Variants in TGFBR3 observed in about 807,000 individuals in gnomAD.
TGFBR3 encodes the protein transforming growth factor beta receptor 3, also known as transforming growth factor beta receptor type 3.
A neutral mutation model predicts 87.9 loss-of-function variants in TGFBR3; 46 were observed. That is an observed-to-expected ratio of 0.52 (90% confidence interval 0.41 to 0.67). The LOEUF (loss-of-function observed/expected upper bound fraction) is 0.67. Among genes scored for constraint, TGFBR3 ranks in the 30% least tolerant of loss-of-function variants. The pLI is 0.00. For missense variants in TGFBR3, 866 were observed against 1,041.9 expected (o/e 0.83, Z 2.32); for synonymous variants, 381 against 391.6 (o/e 0.97, Z 0.32).
intron 4 of TGFBR3, among the ~76,000 whole-genome samples, chr1:91,744,594 C>G (rs142635599): frequency 6.6e-6 from 1 of 152,162 alleles, no homozygotes; most frequent in East Asian, 1.9e-4. Context: ...ACATCTCAAG[C>G]CCAACGCTTC....
At chr1:91,870,853 AAAATAAAT>A (rs374242323) in intron 1 of TGFBR3, among the ~76,000 whole-genome samples, 1 of 152,028 alleles carries the variant, frequency 6.6e-6, no homozygotes, top group Non-Finnish European at 1.5e-5. Flanking sequence ...GGAGTTTCTG[AAAATAAAT>A]AAATAAATAA....
In TGFBR3 at chr1:91,695,547, A is replaced by C. The variant is rs1247997203; in HGVS notation, c.2437+125T>G. ...AAACCCAATTTATACCAAATATGTAAATGTAAAAATAGTAGGAATGAACTT... is the reference window on the plus strand; with the variant it reads ...AAACCCAATTTATACCAAATATGTACATGTAAAAATAGTAGGAATGAACTT... On this transcript the variant is annotated intron_variant, in intron 16 of 16. Coordinates refer to ENST00000212355, the MANE Select transcript of TGFBR3 (RefSeq NM_003243.5). 4.7e-6 allele frequency: 4 copies of C among 850,328 alleles called. No individual in the cohort carries two copies. In the African/African-American group the frequency reaches 5.0e-5, roughly 11 times the overall value. 52.7% of individuals were successfully genotyped at this position (850,328 alleles called of 1,614,324 possible).
intron 2 of TGFBR3, among the ~76,000 whole-genome samples, chr1:91,831,105 C>T (rs1298431327): frequency 1.3e-5 from 2 of 152,214 alleles, no homozygotes; most frequent in African/African-American, 4.8e-5. Context: ...AGCTGGGGCA[C>T]AACCTGCACC....
chr1:91,885,387 C>A (rs1322080815), intron 1 of TGFBR3, among the ~76,000 whole-genome samples: 1 of 151,478 alleles, frequency 6.6e-6, no homozygotes, highest in Non-Finnish European at 1.5e-5. Flanking sequence ...CTGCAGCTTG[C>A]GGCTCAGCCC....
At chr1:91,895,306 C>T (rs1055819593) in intron 2 of TGFBR3, among the ~76,000 whole-genome samples, 25 of 152,246 alleles carry the variant, frequency 1.6e-4, no homozygotes, top group African/African-American at 5.3e-4. Context: ...CATCTCTCCC[C>T]TCACTCTCTT....
At chr1:91,821,820 G>C (rs1353803773) in intron 2 of TGFBR3, among the ~76,000 whole-genome samples, 1 of 152,186 alleles carries the variant, frequency 6.6e-6, no homozygotes, top group Non-Finnish European at 1.5e-5. Flanking sequence ...ACTTTGTGAG[G>C]ATTACATAAT....
At chr1:91,709,716 T>A (rs1301479642) in intron 13 of TGFBR3, among the ~76,000 whole-genome samples, 1 of 152,236 alleles carries the variant, frequency 6.6e-6, no homozygotes, top group Non-Finnish European at 1.5e-5. Flanking sequence ...GCACTTTTTC[T>A]TTAAAATAAC....
intron 1 of TGFBR3, among the ~76,000 whole-genome samples, chr1:91,872,108 T>G (rs1678601613): frequency 6.6e-6 from 1 of 152,220 alleles, no homozygotes; most frequent in African/African-American, 2.4e-5. Context: ...GCCAATAGCT[T>G]CCTCCTAAGC....
At position 91,745,472 on chromosome 1, in the gene TGFBR3, G is replaced by C. The variant is rs375407196; in HGVS notation, c.385-10513C>G. Among the ~76,000 whole-genome samples the C allele has an allele frequency of 9.0e-4, 137 of 152,346 alleles. 3 individuals are homozygous for C. The South Asian group carries it at 0.027, about 30-fold the overall frequency. ...CTCAAGAATCTCAGTTGAGGTTTAA[G>C]TGGGATCTACAGATTGGCCCTAGAA... On this transcript the variant is annotated intron_variant, in intron 4 of 16. Coordinates refer to ENST00000212355, the MANE Select transcript of TGFBR3 (RefSeq NM_003243.5).
chr1:91,734,980 T>C, intron 4 of TGFBR3, 21 bp from the exon 5 acceptor site: 1 of 1,613,872 alleles, frequency 6.2e-7, no homozygotes, highest in Non-Finnish European at 8.5e-7. Flanking sequence ...GAGAATTGCG[T>C]ATTTAACATG....
intron 14 of TGFBR3, among the ~76,000 whole-genome samples, chr1:91,705,139 T>TAA (rs1167074025): frequency 6.6e-6 from 1 of 152,034 alleles, no homozygotes; most frequent in Non-Finnish European, 1.5e-5. Context: ...TAAAGAGACA[T>TAA]AAAGCTGTCT....
At chr1:91,748,514 G>A (rs1368296969) in intron 4 of TGFBR3, among the ~76,000 whole-genome samples, 1 of 152,126 alleles carries the variant, frequency 6.6e-6, no homozygotes, top group Non-Finnish European at 1.5e-5. Context: ...AATAAGTCAT[G>A]CATAAAACAC....
chr1:91,682,880 T>C lies in TGFBR3; in HGVS notation c.*859A>G. The C allele has an allele frequency of 2.2e-6, 1 of 453,080 alleles. No homozygotes were observed. Among genetic ancestry groups the C allele is most frequent in the South Asian group, 1.6e-5 (1 of 64,468 alleles). 28.1% of individuals were successfully genotyped at this position (453,080 alleles called of 1,614,324 possible). A position where few individuals can be genotyped will look rare whatever the true frequency, so the allele number is the denominator to read the frequency against. On this transcript the variant is annotated 3_prime_UTR_variant, in exon 17 of 17. Transcript: ENST00000212355. ...CATAGAAATATATCACTGTGCAAAT[T>C]CGTCCTTGACTTTATAACTGAATTT...
chr1:91,810,960 C>G (rs892687423), intron 2 of TGFBR3, among the ~76,000 whole-genome samples: 5 of 152,242 alleles, frequency 3.3e-5, no homozygotes, highest in Admixed American at 3.3e-4. Flanking sequence ...TAGCTCTGCG[C>G]TTTCTAGCAG....
chr1:91,848,081 C>T (rs2634031), intron 2 of TGFBR3, among the ~76,000 whole-genome samples: 71,931 of 152,008 alleles, frequency 0.47, 17,216 homozygotes, highest in East Asian at 0.61. Context: ...CTCAAACCAA[C>T]TTCCTCTCCA....
At position 91,722,112 on chromosome 1, in the gene TGFBR3, ACT is replaced by A; in HGVS notation, c.916_917del (p.Ser306Ter). On this transcript the variant is annotated frameshift_variant, in exon 8 of 17. Transcript: ENST00000212355. LOFTEE classifies it high-confidence loss of function. ...APNSIGFGKESERSMTMTKSI... is the reference protein window; with the variant it reads ...APNSIGFGKEXERSMTMTKSI... Reference sequence around the variant, plus strand: ...ATTTGGTCATTGTCATAGATCTTTCACTCTCTTTTCCAAAGCCAATACTGTTA... The same window carrying A: ...ATTTGGTCATTGTCATAGATCTTTCACTCTTTTCCAAAGCCAATACTGTTA... 6.2e-7 allele frequency: 1 copy of A among 1,613,798 alleles called. No individual in the cohort carries two copies. Among genetic ancestry groups the A allele is most frequent in the Non-Finnish European group, 8.5e-7 (1 of 1,179,904 alleles).
intron 4 of TGFBR3, among the ~76,000 whole-genome samples, chr1:91,740,207 G>A (rs1673113778): frequency 6.9e-6 from 1 of 145,324 alleles, no homozygotes; most frequent in Non-Finnish European, 1.5e-5. Context: ...TTACAGGCGT[G>A]TGCCACCACA....
At chr1:91,819,886 A>C (rs1164371933) in intron 2 of TGFBR3, among the ~76,000 whole-genome samples, 2 of 152,208 alleles carry the variant, frequency 1.3e-5, no homozygotes, top group Non-Finnish European at 2.9e-5. Context: ...GGAAAGAAAA[A>C]ACAAACTGAT....
chr1:91,872,486 T>C (rs1482922926), intron 1 of TGFBR3, among the ~76,000 whole-genome samples: 3 of 152,204 alleles, frequency 2.0e-5, no homozygotes, highest in Non-Finnish European at 4.4e-5. Context: ...TTGCCTAAAA[T>C]TAAGATTTCT....
Sources: allele counts gnomAD v4.1 joint callset (sites outside exome capture counted in the v4.1 genomes callset), GRCh38; gene constraint gnomAD v4.1.1; transcripts MANE v1.5; gene names NCBI Gene and HGNC (gene_info 2026-07-23, HGNC 2026-07-21).